The following FCHSD2 variants were observed in gnomAD, a reference collection of about 807,000 sequenced individuals.
The protein encoded by FCHSD2 is F-BAR and double SH3 domains protein 2.
A neutral mutation model predicts 108.1 loss-of-function variants in FCHSD2; 38 were observed. That is an observed-to-expected ratio of 0.35 (90% confidence interval 0.27 to 0.46). FCHSD2 has a LOEUF of 0.46. FCHSD2 is among the 20% of genes least tolerant of loss of function. FCHSD2 has a pLI of 1.00. For synonymous variants in FCHSD2, 279 were observed against 314.7 expected, an observed-to-expected ratio of 0.89 and a Z score of 1.20; for missense variants, 751 against 897.8, an observed-to-expected ratio of 0.84 and a Z score of 2.09.
intron 6 of FCHSD2, among the ~76,000 whole-genome samples, chr11:72,986,671 C>T (rs1006975659): frequency 5.3e-5 from 8 of 152,130 alleles, no homozygotes; most frequent in African/African-American, 1.4e-4. Context: ...GGCTGAGTTG[C>T]ATGTAGATCT....
At chr11:73,009,955 T>C (rs982174225) in intron 4 of FCHSD2, among the ~76,000 whole-genome samples, 16 of 152,334 alleles carry the variant, frequency 1.1e-4, no homozygotes, top group Non-Finnish European at 1.9e-4. Flanking sequence ...TCGTTAGACT[T>C]GGGAAGTTTT....
At chr11:73,111,448 A>G (rs1860482628) in intron 2 of FCHSD2, among the ~76,000 whole-genome samples, 1 of 146,848 alleles carries the variant, frequency 6.8e-6, no homozygotes, top group Admixed American at 6.8e-5. Flanking sequence ...TTAGCATGGA[A>G]TATCTTTCTC....
At chr11:73,100,129 C>T (rs1255603887) in intron 2 of FCHSD2, among the ~76,000 whole-genome samples, 2 of 152,300 alleles carry the variant, frequency 1.3e-5, no homozygotes, top group East Asian at 3.9e-4. Flanking sequence ...GAAACATGTG[C>T]TGCCCCCACC....
chr11:72,972,058 A>G (rs548063357), intron 8 of FCHSD2, among the ~76,000 whole-genome samples: 3 of 152,258 alleles, frequency 2.0e-5, no homozygotes, highest in Non-Finnish European at 2.9e-5. Context: ...AATAAAATTG[A>G]TTTAAAAAGA....
chr11:72,848,978 A>AAT (rs1452179485), intron 14 of FCHSD2, among the ~76,000 whole-genome samples: 2 of 152,244 alleles, frequency 1.3e-5, no homozygotes, highest in Admixed American at 6.5e-5. Flanking sequence ...AGTATTATGA[A>AAT]TTTAAATATA....
chr11:72,923,224 C>G (rs994708315), intron 8 of FCHSD2, among the ~76,000 whole-genome samples: 4 of 151,982 alleles, frequency 2.6e-5, no homozygotes, highest in Non-Finnish European at 5.9e-5. Flanking sequence ...AATAATGCTG[C>G]AAAGTTAAAA....
At chr11:73,060,428 C>T (rs1246566265) in intron 3 of FCHSD2, among the ~76,000 whole-genome samples, 1 of 151,946 alleles carries the variant, frequency 6.6e-6, no homozygotes, top group African/African-American at 2.4e-5. Context: ...TGGAAAAATA[C>T]CAGGATAAAA....
chr11:73,107,801 G>A (rs889387703), intron 2 of FCHSD2, among the ~76,000 whole-genome samples: 1 of 152,122 alleles, frequency 6.6e-6, no homozygotes, highest in Non-Finnish European at 1.5e-5. Flanking sequence ...TGGCTGAATA[G>A]TACTCCACTG....
chr11:73,090,425 C>A (rs1459434111), intron 2 of FCHSD2, among the ~76,000 whole-genome samples: 1 of 151,984 alleles, frequency 6.6e-6, no homozygotes. Flanking sequence ...CGGGGTTTCA[C>A]CGTTTTAGCC....
At chr11:72,978,797 A>G (rs932753420) in intron 8 of FCHSD2, among the ~76,000 whole-genome samples, 1 of 151,602 alleles carries the variant, frequency 6.6e-6, no homozygotes, top group African/African-American at 2.4e-5. Flanking sequence ...AGCCATGCGG[A>G]ACTGAGTCAA....
chr11:72,925,004 G>A (rs572480655), intron 8 of FCHSD2, among the ~76,000 whole-genome samples: 1 of 152,010 alleles, frequency 6.6e-6, no homozygotes, highest in African/African-American at 2.4e-5. Context: ...ATTTTGGCAG[G>A]AAACCATTGG....
In FCHSD2 at chr11:72,838,873, A is replaced by G; in HGVS notation, c.2141T>C (p.Val714Ala). The G allele has an allele frequency of 1.2e-6, 2 of 1,605,716 alleles. No individual in the cohort carries two copies. Among genetic ancestry groups the G allele is most frequent in the Non-Finnish European group, 1.7e-6 (2 of 1,176,998 alleles). The stretch of plus-strand genomic sequence containing the variant: ...TGTAGGTGGAGGGGGAGCTGCCCGG[A>G]CCTGAGCAGGAAACAATTACGTAGT... ...PETSYGKLRPVRAAPPPPTQN... is the reference protein window; with the variant it reads ...PETSYGKLRPARAAPPPPTQN... Residue 714 changes from valine to alanine, a missense_variant and splice_region_variant, in exon 20 of 20, where the codon GTC (valine) becomes GCC (alanine). Transcript: ENST00000409418.
chr11:72,896,201 A>G (rs929620430), intron 10 of FCHSD2, among the ~76,000 whole-genome samples: 2 of 152,236 alleles, frequency 1.3e-5, no homozygotes, highest in African/African-American at 4.8e-5. Context: ...TACATCAGAA[A>G]TTTAGTGTCA....
intron 4 of FCHSD2, among the ~76,000 whole-genome samples, chr11:73,011,854 A>G (rs1857870531): frequency 1.3e-5 from 2 of 152,092 alleles, no homozygotes; most frequent in Non-Finnish European, 2.9e-5. Context: ...TTTCTGTTGA[A>G]TTCCAGTGTT....
At chr11:73,090,012 T>C (rs890336640) in intron 2 of FCHSD2, among the ~76,000 whole-genome samples, 1 of 152,024 alleles carries the variant, frequency 6.6e-6, no homozygotes, top group Non-Finnish European at 1.5e-5. Flanking sequence ...AAAACAAAAG[T>C]TAGTAATCAG....
intron 2 of FCHSD2, among the ~76,000 whole-genome samples, chr11:73,089,742 A>G (rs766639606): frequency 1.3e-5 from 2 of 152,232 alleles, no homozygotes; most frequent in Non-Finnish European, 2.9e-5. Flanking sequence ...GCAAGTCCAG[A>G]GAGACAAAAA....
chr11:73,113,353 CTTTTTTTTTTTTTTTTTTTTT>C (rs35979371), intron 2 of FCHSD2, among the ~76,000 whole-genome samples: 5 of 29,892 alleles, frequency 1.7e-4, no homozygotes. Context: ...CCAAGATGGT[CTTTTTTTTTTTTTTTTTTTTT>C]TTTTTTTTTT....
chr11:73,100,648 C>G (rs963816963), intron 2 of FCHSD2, among the ~76,000 whole-genome samples: 2 of 152,116 alleles, frequency 1.3e-5, no homozygotes, highest in Non-Finnish European at 2.9e-5. Flanking sequence ...CAGGTGTGAG[C>G]CACCGTGATC....
intron 3 of FCHSD2, among the ~76,000 whole-genome samples, chr11:73,080,578 T>G (rs908654003): frequency 6.6e-6 from 1 of 152,268 alleles, no homozygotes; most frequent in South Asian, 2.1e-4. Flanking sequence ...GCTTAGTAAG[T>G]TTCTCATTTA....
Sources: allele counts gnomAD v4.1 joint callset (sites outside exome capture counted in the v4.1 genomes callset), GRCh38; gene constraint gnomAD v4.1.1; transcripts MANE v1.5; gene names NCBI Gene and HGNC (gene_info 2026-07-23, HGNC 2026-07-21).